The following TOR1AIP2 variants were observed in gnomAD, a reference collection of about 807,000 sequenced individuals.
TOR1AIP2 encodes the protein torsin-1A-interacting protein 2.
A neutral mutation model predicts 32.6 loss-of-function variants in TOR1AIP2; 20 were observed. That is an observed-to-expected ratio of 0.61 (90% CI 0.43 to 0.89). TOR1AIP2 has a LOEUF of 0.89. Among genes scored for constraint, TOR1AIP2 ranks in the 40% least tolerant of loss-of-function variants. The pLI, the probability that TOR1AIP2 is intolerant of heterozygous loss-of-function variation, is 0.00. For missense variants in TOR1AIP2, 456 were observed against 553.8 expected, an observed-to-expected ratio of 0.82 and a Z score of 1.77; for synonymous variants, 214 against 210.8, an observed-to-expected ratio of 1.02 and a Z score of -0.13.
At chr1:179,864,285 A>G in intron 3 of TOR1AIP2, 1 of 985,116 alleles carries the variant, frequency 1.0e-6, no homozygotes, top group Non-Finnish European at 1.2e-6. Flanking sequence ...ATCTATTTAT[A>G]TATATATCTC....
intron 3 of TOR1AIP2, chr1:179,860,528 C>T (rs1381172104): frequency 9.1e-6 from 9 of 985,470 alleles, no homozygotes; most frequent in Non-Finnish European, 1.1e-5. Context: ...TTCCCCAGTT[C>T]TAACTTCTGC....
intron 2 of TOR1AIP2, chr1:179,867,796 A>C (rs1029480962): frequency 1.3e-5 from 2 of 152,208 alleles, no homozygotes; most frequent in Non-Finnish European, 2.9e-5. Context: ...AACTTCAAGA[A>C]TCAAACAAGC....
intron 3 of TOR1AIP2, chr1:179,860,002 A>T: frequency 1.6e-6 from 1 of 613,064 alleles, no homozygotes; most frequent in East Asian, 1.4e-4. Context: ...ACATCCAGCT[A>T]ATTTTTTTCT....
chr1:179,846,920 G>T, intron 6 of TOR1AIP2, 92 bp from the exon 7 acceptor site: 1 of 1,399,282 alleles, frequency 7.1e-7, no homozygotes, highest in Non-Finnish European at 9.5e-7. Flanking sequence ...AGAGATACCA[G>T]CAGGTTTTAC....
At position 179,851,362 on chromosome 1, in the gene TOR1AIP2, G is replaced by T. The variant is rs770567211; in HGVS notation, c.36C>A (p.Asp12Glu). 2 of 1,525,532 alleles carry T rather than the reference G, an allele frequency of 1.3e-6. No homozygotes were observed. The highest frequency in any genetic ancestry group is 2.5e-5 in the South Asian group (2 of 78,558). The allele number at this position is 1,525,532 out of a possible 1,614,324, so 94.5% of individuals were successfully genotyped here. A position where few individuals can be genotyped will look rare whatever the true frequency, so the allele number is the denominator to read the frequency against. Reference protein sequence around the residue: ...ADSGLREPQEDSQKDLENDPS... With the variant: ...ADSGLREPQEESQKDLENDPS... ...GATCATTTTCCAAATCCTTTTGAGAGTCTATTGAGATAAAAGTTTATAATT... is the reference window on the plus strand; with the variant it reads ...GATCATTTTCCAAATCCTTTTGAGATTCTATTGAGATAAAAGTTTATAATT... The change falls in exon 5 of 7, where the codon GAC (aspartate) becomes GAA (glutamate). Residue 12 changes from aspartate to glutamate, a missense_variant and splice_region_variant. By Grantham distance (45) the Asp-to-Glu change is conservative. Transcript: ENST00000609928.
At chr1:179,859,931 G>T (rs1033469279) in intron 3 of TOR1AIP2, 42 of 754,612 alleles carry the variant, frequency 5.6e-5, no homozygotes, top group Non-Finnish European at 6.5e-5. Context: ...AGCTCACTGA[G>T]GCTCAAGTGA....
intron 3 of TOR1AIP2, among the ~76,000 whole-genome samples, chr1:179,853,156 A>G (rs1206482141): frequency 1.3e-5 from 2 of 152,354 alleles, no homozygotes; most frequent in East Asian, 3.9e-4. Flanking sequence ...TGAAACAATC[A>G]CTGCAGATTT....
intron 3 of TOR1AIP2, among the ~76,000 whole-genome samples, chr1:179,858,641 A>G (rs1427874673): frequency 6.6e-6 from 1 of 152,246 alleles, no homozygotes; most frequent in African/African-American, 2.4e-5. Flanking sequence ...TTCAGCCTAC[A>G]TGCAATGACC....
At chr1:179,875,063 G>C (rs542267916) in intron 2 of TOR1AIP2, 1 of 152,788 alleles carries the variant, frequency 6.5e-6, no homozygotes, top group Non-Finnish European at 1.5e-5. Context: ...GCAATGGCGC[G>C]TACTCAGCTC....
At chr1:179,853,108 T>C (rs1325145201) in intron 3 of TOR1AIP2, among the ~76,000 whole-genome samples, 1 of 152,194 alleles carries the variant, frequency 6.6e-6, no homozygotes, top group Non-Finnish European at 1.5e-5. Flanking sequence ...TGAATTAAAA[T>C]AAAAAATAAA....
chr1:179,854,930 A>G (rs1361445432), intron 3 of TOR1AIP2, among the ~76,000 whole-genome samples: 1 of 152,188 alleles, frequency 6.6e-6, no homozygotes, highest in Non-Finnish European at 1.5e-5. Context: ...TAGCACACGA[A>G]TAGACAAACA....
chr1:179,841,443 G>A lies in TOR1AIP2; in HGVS notation c.*4628C>T, dbSNP rs191148746. 7.3e-4 allele frequency: 111 copies of A among 152,272 alleles called. No individual in the cohort carries two copies. The highest frequency in any genetic ancestry group is 4.1e-3 in the Admixed American group (62 of 15,280). 9.4% of individuals were successfully genotyped at this position (152,272 alleles called of 1,614,324 possible). A position where few individuals can be genotyped will look rare whatever the true frequency, so the allele number is the denominator to read the frequency against. ...TACAACTATGTTTTATTTTCAAATG[G>A]TAAAGGAAAGGCTTCATGTTGCTAT... On this transcript the variant is annotated 3_prime_UTR_variant, in exon 7 of 7. Transcript: ENST00000609928.
intron 2 of TOR1AIP2, among the ~76,000 whole-genome samples, chr1:179,869,989 C>T (rs915720693): frequency 6.6e-6 from 1 of 152,198 alleles, no homozygotes; most frequent in South Asian, 2.1e-4. Flanking sequence ...GGATACTCTT[C>T]CACTATGAAT....
Position 179,846,502 on chromosome 1 carries a change from T to C in TOR1AIP2, c.982A>G (p.Ile328Val). Residue 328 changes from isoleucine (I) to valine (V), a missense_variant, in exon 7 of 7, where the codon ATT (isoleucine) becomes GTT (valine). Coordinates refer to ENST00000609928, the MANE Select transcript of TOR1AIP2 (RefSeq NM_001199260.2). Reference protein sequence around the residue: ...AYTSSQKVSPIQIDGAGRTWQ... With the variant: ...AYTSSQKVSPVQIDGAGRTWQ... The stretch of plus-strand genomic sequence containing the variant: ...GTCCTTCCAGCCCCATCAATCTGAA[T>C]GGGAGAGACTTTCTGGGAAGAGGTG... The C allele has an allele frequency of 6.2e-7, 1 of 1,614,126 alleles. No homozygotes were observed. The highest frequency in any genetic ancestry group is 8.5e-7 in the Non-Finnish European group (1 of 1,180,024).
At chr1:179,863,165 G>A in intron 3 of TOR1AIP2, 3 of 749,534 alleles carry the variant, frequency 4.0e-6, no homozygotes, top group Non-Finnish European at 4.8e-6. Flanking sequence ...GGCAGAGGTT[G>A]CAGTGAACCA....
intron 3 of TOR1AIP2, chr1:179,861,562 T>C (rs760768782): frequency 6.1e-6 from 6 of 985,416 alleles, no homozygotes; most frequent in Non-Finnish European, 7.2e-6. Context: ...ATAATGACAC[T>C]GAACAAAACT....
rs908760118 is a variant in TOR1AIP2, at chr1:179,845,990, C to T, written c.*81G>A. On this transcript the variant is annotated 3_prime_UTR_variant, in exon 7 of 7. Coordinates refer to ENST00000609928, the MANE Select transcript of TOR1AIP2 (RefSeq NM_001199260.2). Reference sequence around the variant, plus strand: ...CTATTTCCTCAAGCTATTTTATCAACCTCCTTCCATATAAATGGAAGGTCT... The same window carrying T: ...CTATTTCCTCAAGCTATTTTATCAATCTCCTTCCATATAAATGGAAGGTCT... The T allele has an allele frequency of 3.1e-6, 4 of 1,274,340 alleles. No individual in the cohort carries two copies. The highest frequency in any genetic ancestry group is 3.0e-5 in the African/African-American group (2 of 67,246). The allele number at this position is 1,274,340 out of a possible 1,614,324, so 78.9% of individuals were successfully genotyped here.
At chr1:179,862,287 C>G (rs1158316231) in intron 3 of TOR1AIP2, 2 of 979,492 alleles carry the variant, frequency 2.0e-6, no homozygotes, top group Non-Finnish European at 1.2e-6. Context: ...TAAGCATTCT[C>G]TAATAATTAA....
At chr1:179,853,659 C>T (rs1245619861) in intron 3 of TOR1AIP2, among the ~76,000 whole-genome samples, 5 of 151,990 alleles carry the variant, frequency 3.3e-5, no homozygotes, top group Non-Finnish European at 7.4e-5. Flanking sequence ...GCCAACTGGC[C>T]GTCTTTATGT....
Sources: allele counts gnomAD v4.1 joint callset (sites outside exome capture counted in the v4.1 genomes callset), GRCh38; gene constraint gnomAD v4.1.1; transcripts MANE v1.5; gene names NCBI Gene and HGNC (gene_info 2026-07-23, HGNC 2026-07-21).